The following TAMM41 variants were observed in gnomAD, a reference collection of about 807,000 sequenced individuals.
TAMM41 encodes TAM41 mitochondrial translocator assembly and maintenance homolog.
In TAMM41, 36 loss-of-function variants were observed where a neutral mutation model predicts 44.1. The ratio of observed to expected loss-of-function variants is 0.82; its 90% CI spans 0.63 to 1.08. The LOEUF (loss-of-function observed/expected upper bound fraction) is 1.08. TAMM41 is among the 50% of genes least tolerant of loss of function. The pLI is 0.00. For missense variants in TAMM41, 417 were observed against 404.3 expected, an observed-to-expected ratio of 1.03 and a Z score of -0.27; for synonymous variants, 164 against 153.1, an observed-to-expected ratio of 1.07 and a Z score of -0.53.
At chr3:11,781,439 AAAGT>A in the TAMM41 span, among the ~76,000 whole-genome samples, 1 of 152,110 alleles carries the variant, frequency 6.6e-6, no homozygotes, top group Non-Finnish European at 1.5e-5. Flanking sequence ...AATTAAGTAA[AAAGT>A]AAGAGACCCG....
At chr3:11,809,395 T>C (rs1300442824) in intron 6 of TAMM41, 122 bp downstream of exon 6, 2 of 1,169,264 alleles carry the variant, frequency 1.7e-6, no homozygotes, top group African/African-American at 1.6e-5. Flanking sequence ...TGCTTTCTTC[T>C]TCTGAGAGGC....
chr3:11,777,929 C>T, the TAMM41 span, among the ~76,000 whole-genome samples: 1 of 152,166 alleles, frequency 6.6e-6, no homozygotes, highest in Non-Finnish European at 1.5e-5. Context: ...CCCAAGCCCC[C>T]CATTACCCAC....
chr3:11,839,959 C>T (rs1490635850), intron 2 of TAMM41, among the ~76,000 whole-genome samples: 2 of 152,120 alleles, frequency 1.3e-5, no homozygotes, highest in Non-Finnish European at 2.9e-5. Flanking sequence ...CAGACTTTTG[C>T]ATTCCAGCAA....
At chr3:11,760,389 C>T in the TAMM41 span, among the ~76,000 whole-genome samples, 2 of 152,176 alleles carry the variant, frequency 1.3e-5, no homozygotes, top group South Asian at 4.1e-4. Flanking sequence ...TCTTCATAAA[C>T]TTAGTTGTTA....
At chr3:11,730,673 G>T in the TAMM41 span, among the ~76,000 whole-genome samples, 81 of 152,188 alleles carry the variant, frequency 5.3e-4, 1 homozygote, top group African/African-American at 1.9e-3. Flanking sequence ...GGCGGAGGTT[G>T]CAGTGAGCTG....
At chr3:11,789,167 G>A (rs562122140), downstream of TAMM41, among the ~76,000 whole-genome samples, 3 of 152,238 alleles carry the variant, frequency 2.0e-5, no homozygotes, top group South Asian at 2.1e-4. Flanking sequence ...TCAGAGGCTC[G>A]ATAACTTGCC....
chr3:11,824,649 G>GAAGGA (rs1559303746), intron 4 of TAMM41, among the ~76,000 whole-genome samples: 1 of 152,072 alleles, frequency 6.6e-6, no homozygotes, highest in African/African-American at 2.4e-5. Context: ...GAGGACTCAG[G>GAAGGA]TTCACTATAT....
In TAMM41 at chr3:11,829,700, G is replaced by T. The variant is rs767983123; in HGVS notation, c.562+14C>A. 2 of 1,613,720 alleles carry T rather than the reference G, an allele frequency of 1.2e-6. No homozygotes were observed. Among genetic ancestry groups the T allele is most frequent in the East Asian group, 4.5e-5 (2 of 44,874 alleles). ...CTCTCCCTTGTAGAACATCTGGGCA[G>T]CAACCATACTAACCTGAATAGGAGA... On this transcript the variant is annotated intron_variant, in intron 4 of 7. Transcript: ENST00000455809.
At chr3:11,751,788 T>G in the TAMM41 span, among the ~76,000 whole-genome samples, 1 of 152,364 alleles carries the variant, frequency 6.6e-6, no homozygotes, top group East Asian at 1.9e-4. Context: ...TTAATGGTTC[T>G]TGACCCTGTC....
At chr3:11,818,854 C>T (rs1160658431) in intron 4 of TAMM41, among the ~76,000 whole-genome samples, 3 of 149,008 alleles carry the variant, frequency 2.0e-5, no homozygotes, top group South Asian at 2.2e-4. Context: ...GCCGAGATCG[C>T]GCCACTGCAC....
At chr3:11,760,222 A>G in the TAMM41 span, among the ~76,000 whole-genome samples, 1 of 152,200 alleles carries the variant, frequency 6.6e-6, no homozygotes, top group Non-Finnish European at 1.5e-5. Context: ...AGGCCAATCT[A>G]CTGCCACTGC....
chr3:11,796,239 T>C (rs749034493), intron 7 of TAMM41, among the ~76,000 whole-genome samples: 44 of 151,958 alleles, frequency 2.9e-4, no homozygotes, highest in Non-Finnish European at 6.0e-4. Flanking sequence ...TTTGTAGGAG[T>C]AGAGTGAAAT....
At chr3:11,827,859 G>A (rs1184287973) in intron 4 of TAMM41, among the ~76,000 whole-genome samples, 9 of 151,954 alleles carry the variant, frequency 5.9e-5, no homozygotes, top group African/African-American at 1.7e-4. Context: ...TACCAATCTC[G>A]CCTCTGCCTA....
chr3:11,749,901 CTTTTT>C, the TAMM41 span, among the ~76,000 whole-genome samples: 3 of 135,954 alleles, frequency 2.2e-5, no homozygotes, highest in Non-Finnish European at 1.6e-5. Context: ...CTTTTTCTTT[CTTTTT>C]TTTTTTTTTT....
the TAMM41 span, among the ~76,000 whole-genome samples, chr3:11,739,538 G>T: frequency 6.6e-6 from 1 of 152,122 alleles, no homozygotes. Flanking sequence ...TGGGTGCGGT[G>T]GCTCACTCCG....
intron 6 of TAMM41, chr3:11,808,697 T>TA: frequency 2.3e-6 from 2 of 864,666 alleles, no homozygotes; most frequent in Non-Finnish European, 2.8e-6. Context: ...AAAGGGAAGT[T>TA]AGTCTCTGAA....
the TAMM41 span, among the ~76,000 whole-genome samples, chr3:11,738,397 T>G: frequency 6.6e-6 from 1 of 152,214 alleles, no homozygotes; most frequent in African/African-American, 2.4e-5. Flanking sequence ...TTAGGAAAGT[T>G]GTATTAAACA....
chr3:11,788,145 T>C (rs2077427724), downstream of TAMM41, among the ~76,000 whole-genome samples: 1 of 152,156 alleles, frequency 6.6e-6, no homozygotes, highest in South Asian at 2.1e-4. Context: ...ATTCCATAGC[T>C]GGAGAGTGAC....
At chr3:11,844,341 T>C (rs303854) in intron 1 of TAMM41, 130 bp from the exon 2 acceptor site, 347,686 of 787,466 alleles carry the variant, frequency 0.44, 78,616 homozygotes, top group Middle Eastern at 0.59. Context: ...TCATCAGAAA[T>C]GTGAGCGAGT....
Sources: gnomAD v4.1 joint callset for allele counts (sites outside exome capture counted in the v4.1 genomes callset) on GRCh38, gnomAD v4.1.1 for gene constraint, MANE v1.5 for transcripts, NCBI Gene and HGNC (gene_info 2026-07-23, HGNC 2026-07-21) for gene names.